The following LIG3 variants were observed in gnomAD, a reference collection of about 807,000 sequenced individuals.
The protein encoded by LIG3 is ligase II, DNA, ATP-dependent.
LIG3 carries 58 observed loss-of-function variants against 110.9 expected under a neutral mutation model. The ratio of observed to expected loss-of-function variants is 0.52; its 90% CI spans 0.42 to 0.65. The LOEUF (loss-of-function observed/expected upper bound fraction) is 0.65. Ranked by LOEUF, LIG3 falls within the 30% of genes least tolerant of loss-of-function variation. The pLI is 0.00. For missense variants in LIG3, 1,094 were observed against 1,273.8 expected (o/e 0.86, Z 2.15); for synonymous variants, 422 against 472.8 (o/e 0.89, Z 1.39).
rs780301392 is a variant in LIG3, at chr17:34,992,570, C to CAGGAT, written c.1333_1334insAGGAT (p.Arg445GlnfsTer29). 1.4e-5 allele frequency: 22 copies of CAGGAT among 1,612,920 alleles called. No homozygotes were observed. Among genetic ancestry groups the CAGGAT allele is most frequent in the Non-Finnish European group, 1.9e-5 (22 of 1,179,496 alleles). On this transcript the variant is annotated frameshift_variant, in exon 8 of 20. Coordinates refer to ENST00000378526, the MANE Select transcript of LIG3 (RefSeq NM_013975.4). LOFTEE classifies it high-confidence loss of function. ...TGCCTATGAAGCCTTCAAAGCCTCG[C>CAGGAT]GCAACCTGCAGGATGTGGTGGAGCG...
Position 34,980,552 on chromosome 17 carries a change from T to G in LIG3, c.-75T>G, listed in dbSNP as rs1327351230. On this transcript the variant is annotated 5_prime_UTR_variant, in exon 1 of 20. Transcript: ENST00000378526. ...TTTAAAGAGACAGGCGCTCCAACCG[T>G]CGTGGGCTGCCCGCGGCCTGTAATG... 14 of 1,287,490 alleles carry G rather than the reference T, an allele frequency of 1.1e-5. No individual in the cohort carries two copies. Among genetic ancestry groups the G allele is most frequent in the Non-Finnish European group, 6.1e-6 (6 of 987,806 alleles). The allele number at this position is 1,287,490 out of a possible 1,614,324, so 79.8% of individuals were successfully genotyped here.
chr17:34,993,865 A>G (rs1264282628), intron 8 of LIG3, among the ~76,000 whole-genome samples: 1 of 152,164 alleles, frequency 6.6e-6, no homozygotes, highest in African/African-American at 2.4e-5. Context: ...TCACCCTGCC[A>G]GCCTCACTGT....
intron 1 of LIG3, among the ~76,000 whole-genome samples, chr17:34,981,876 T>G (rs1237887386): frequency 4.6e-5 from 7 of 152,248 alleles, no homozygotes; most frequent in Admixed American, 1.3e-4. Flanking sequence ...TTTGGATTGA[T>G]TTATGAGTTC....
intron 11 of LIG3, 53 bp downstream of exon 11, chr17:34,996,706 T>A: frequency 6.8e-7 from 1 of 1,468,594 alleles, no homozygotes; most frequent in Admixed American, 1.7e-5. Context: ...CTGTTTTCAT[T>A]TCCTGGGTGA....
chr17:34,980,895 G>C (rs933186059), intron 1 of LIG3: 4 of 152,662 alleles, frequency 2.6e-5, no homozygotes, highest in African/African-American at 7.2e-5. Flanking sequence ...GGGCCTTCTC[G>C]TACCCTGGCC....
At position 35,004,459 on chromosome 17, in the gene LIG3, T is replaced by A; in HGVS notation, c.2983T>A (p.Trp995Arg). Residue 995 changes from tryptophan to arginine, a missense_variant, in exon 20 of 20, where the codon TGG becomes AGG. Transcript: ENST00000378526. ...TGCGGCCCAGCAGGTCTCCCCAGAG[T>A]GGATTTGGGCATGTATCCGGAAACG... is the stretch of plus-strand genomic sequence containing the variant. ...NPAAQQVSPE[W>R]IWACIRKRRL... is the part of the protein sequence containing the mutation. The A allele has an allele frequency of 6.2e-7, 1 of 1,613,782 alleles. No individual in the cohort carries two copies. Among genetic ancestry groups the A allele is most frequent in the Non-Finnish European group, 8.5e-7 (1 of 1,179,908 alleles).
chr17:34,990,970 C>T lies in LIG3; in HGVS notation c.897C>T (p.Phe299=). The T allele has an allele frequency of 1.2e-6, 2 of 1,613,920 alleles. No individual in the cohort carries two copies. The highest frequency in any genetic ancestry group is 1.7e-6 in the Non-Finnish European group (2 of 1,179,868). ...GGTTCCTTCTGTCTCCAGATGGTTT[C>T]CACGGTGATGTGTACCTAACAGTGA... ...FLRKGSAGDG[F]HGDVYLTVKL... is the part of the protein sequence containing the mutation. Residue 299 remains phenylalanine (F), a synonymous_variant, in exon 5 of 20, where the codon TTC becomes TTT. Coordinates refer to ENST00000378526, the MANE Select transcript of LIG3 (RefSeq NM_013975.4).
chr17:34,985,077 A>C (rs1036315909), intron 2 of LIG3, among the ~76,000 whole-genome samples: 1 of 152,128 alleles, frequency 6.6e-6, no homozygotes, highest in African/African-American at 2.4e-5. Context: ...CAGCCATGGC[A>C]TGTCTGTTTC....
intron 1 of LIG3, 98 bp downstream of exon 1, chr17:34,980,720 C>T: frequency 9.0e-6 from 6 of 663,972 alleles, no homozygotes; most frequent in Non-Finnish European, 1.1e-5. Context: ...GGAGCCAGCC[C>T]CCCGGCTCCT....
rs2090869199 is a variant in LIG3, at chr17:35,003,713, A to G, written c.2797-560A>G. On this transcript the variant is annotated intron_variant, in intron 19 of 19. Transcript: ENST00000378526. The stretch of plus-strand genomic sequence containing the variant: ...GGACAGATAGAGAAGTAAACATATG[A>G]TTGACACCCATGTCATTGCGCCCCC... 9 of 157,554 alleles carry G rather than the reference A, an allele frequency of 5.7e-5. No individual in the cohort carries two copies. The South Asian group carries it at 1.7e-3, about 30-fold the overall frequency. The allele number at this position is 157,554 out of a possible 1,614,324, so 9.8% of individuals were successfully genotyped here. A position where few individuals can be genotyped will look rare whatever the true frequency, so the allele number is the denominator to read the frequency against.
chr17:34,984,635 TATC>T (rs2090637009), intron 2 of LIG3, among the ~76,000 whole-genome samples: 1 of 151,570 alleles, frequency 6.6e-6, no homozygotes, highest in Admixed American at 6.6e-5. Context: ...TGTCATGGGG[TATC>T]TGTTTCTTCT....
intron 6 of LIG3, 54 bp downstream of exon 6, chr17:34,991,891 G>A: frequency 6.2e-7 from 1 of 1,613,728 alleles, no homozygotes; most frequent in Non-Finnish European, 8.5e-7. Context: ...ACTCTCTTGG[G>A]AAGGGAAGGT....
rs745730800 is a variant in LIG3 at position 35,004,389 on chromosome 17, T to C, written c.2913T>C (p.Asp971=). The C allele has an allele frequency of 1.2e-6, 2 of 1,614,188 alleles. No individual in the cohort carries two copies. The highest frequency in any genetic ancestry group is 1.7e-5 in the Admixed American group (1 of 60,024). ...AFDGDLVQEF[D]MTSATHVLGS... is the part of the protein sequence containing the mutation. ...ACGGGGACCTGGTACAGGAATTTGATATGACTTCAGCCACGCACGTGCTGG... is the reference window on the plus strand; with the variant it reads ...ACGGGGACCTGGTACAGGAATTTGACATGACTTCAGCCACGCACGTGCTGG... Residue 971 remains aspartate, a synonymous_variant, in exon 20 of 20, where the codon GAT becomes GAC. Coordinates refer to ENST00000378526, the MANE Select transcript of LIG3 (RefSeq NM_013975.4).
At position 35,002,774 on chromosome 17, in the gene LIG3, G is replaced by A. The variant is rs1455542241; in HGVS notation, c.2781G>A (p.Thr927=). 7 of 1,604,560 alleles carry A rather than the reference G, an allele frequency of 4.4e-6. No individual in the cohort carries two copies. Among genetic ancestry groups the A allele is most frequent in the South Asian group, 2.2e-5 (2 of 89,600 alleles). The change falls in exon 19 of 20, where the codon ACG becomes ACA. Residue 927 remains threonine, a synonymous_variant. Transcript: ENST00000378526. ...VGEKRKAADE[T]LCQTKVLLDI... Reference sequence around the variant, plus strand: ...AGAAGCGGAAAGCTGCTGATGAGACGCTGTGCCAAACAAAGGTGAGGGTAA... The same window carrying A: ...AGAAGCGGAAAGCTGCTGATGAGACACTGTGCCAAACAAAGGTGAGGGTAA...
chr17:34,989,054 C>T (rs2090689115), intron 3 of LIG3, among the ~76,000 whole-genome samples: 1 of 152,042 alleles, frequency 6.6e-6, no homozygotes, highest in Admixed American at 6.6e-5. Flanking sequence ...GTTGCCCAGG[C>T]TGGTCTCGAA....
At chr17:34,990,930 C>T (rs1396320339) in intron 4 of LIG3, 33 bp from the exon 5 acceptor site, 3 of 1,607,628 alleles carry the variant, frequency 1.9e-6, no homozygotes, top group Non-Finnish European at 2.6e-6. Flanking sequence ...TGTTTAAGCT[C>T]TATTTCTCAA....
intron 6 of LIG3, 54 bp from the exon 7 acceptor site, chr17:34,991,904 C>T: frequency 6.2e-7 from 1 of 1,613,860 alleles, no homozygotes. Context: ...GGGAAGGTTC[C>T]CTTGGGGTTC....
At position 34,980,638 on chromosome 17, in the gene LIG3, G is replaced by C; in HGVS notation, c.-5+16G>C. 8.9e-6 allele frequency: 11 copies of C among 1,238,556 alleles called. No homozygotes were observed. The highest frequency in any genetic ancestry group is 1.1e-5 in the Non-Finnish European group (11 of 961,958). The allele number at this position is 1,238,556 out of a possible 1,614,324, so 76.7% of individuals were successfully genotyped here. A position where few individuals can be genotyped will look rare whatever the true frequency, so the allele number is the denominator to read the frequency against. On this transcript the variant is annotated intron_variant, in intron 1 of 19. Transcript: ENST00000378526. ...GGAGAGGCAGGTGAGGGGCTACGCG[G>C]CGCGGCACGGCGCGGCGGGGCCCGG...
intron 15 of LIG3, 84 bp from the exon 16 acceptor site, chr17:34,999,695 GCTT>G (rs1194440986): frequency 4.6e-6 from 6 of 1,301,208 alleles, no homozygotes; most frequent in Non-Finnish European, 6.7e-6. Flanking sequence ...TGTTTAAGTG[GCTT>G]CTTATAATCT....
Sources: gnomAD v4.1 joint callset for allele counts (sites outside exome capture counted in the v4.1 genomes callset) on GRCh38, gnomAD v4.1.1 for gene constraint, MANE v1.5 for transcripts, NCBI Gene and HGNC (gene_info 2026-07-23, HGNC 2026-07-21) for gene names.